Variants in DROSHA observed in about 807,000 individuals in gnomAD.
DROSHA encodes ribonuclease 3.
Under a neutral mutation model 181.9 loss-of-function variants are expected in DROSHA, and 56 were observed. The observed-to-expected ratio is 0.31, with a 90% CI of 0.25 to 0.38. The LOEUF (loss-of-function observed/expected upper bound fraction) is 0.38. DROSHA is among the 10% of genes least tolerant of loss of function. The probability of loss-of-function intolerance (pLI) is 1.00; values close to 1 mark genes in which losing one functional copy is unlikely to be tolerated. For missense variants in DROSHA, 1,218 were observed against 1,743.5 expected (o/e 0.70, Z 5.37); for synonymous variants, 524 against 591.2 (o/e 0.89, Z 1.65).
chr5:31,466,085 T>G, intron 19 of DROSHA, 97 bp downstream of exon 19: 1 of 1,221,062 alleles, frequency 8.2e-7, no homozygotes, highest in Non-Finnish European at 1.2e-6. Flanking sequence ...AAAATATTTT[T>G]CCATCTTGTA....
intron 13 of DROSHA, among the ~76,000 whole-genome samples, chr5:31,488,269 T>TAGCTGGG (rs1752014132): frequency 6.6e-6 from 1 of 151,758 alleles, no homozygotes; most frequent in Non-Finnish European, 1.5e-5. Flanking sequence ...ATACAAAAAT[T>TAGCTGGG]AGCTGGGCGT....
chr5:31,496,524 C>T (rs961935669), intron 11 of DROSHA, among the ~76,000 whole-genome samples: 8 of 152,242 alleles, frequency 5.3e-5, no homozygotes, highest in African/African-American at 1.9e-4. Flanking sequence ...GTGGCAGCTG[C>T]ATAAACCCAC....
intron 20 of DROSHA, 129 bp downstream of exon 20, chr5:31,464,107 G>T: frequency 1.3e-6 from 1 of 777,012 alleles, no homozygotes; most frequent in Non-Finnish European, 2.1e-6. Flanking sequence ...ACAATTTATA[G>T]TTGATATTCC....
chr5:31,417,466 C>A (rs576754732), intron 30 of DROSHA, among the ~76,000 whole-genome samples: 1 of 152,000 alleles, frequency 6.6e-6, no homozygotes, highest in Admixed American at 6.6e-5. Flanking sequence ...TTGACTGGGG[C>A]GCGGGGTATG....
intron 17 of DROSHA, among the ~76,000 whole-genome samples, chr5:31,471,841 T>G (rs773201328): frequency 1.3e-5 from 2 of 152,176 alleles, no homozygotes; most frequent in Admixed American, 1.3e-4. Flanking sequence ...AATGTACCTA[T>G]CTTCAGGTAG....
At chr5:31,428,765 T>C (rs1743794629) in intron 27 of DROSHA, among the ~76,000 whole-genome samples, 1 of 152,204 alleles carries the variant, frequency 6.6e-6, no homozygotes, top group Non-Finnish European at 1.5e-5. Context: ...GGCTATTTCA[T>C]TCAATTATAA....
intron 25 of DROSHA, among the ~76,000 whole-genome samples, chr5:31,433,277 C>A (rs1339416220): frequency 6.6e-6 from 1 of 152,174 alleles, no homozygotes; most frequent in Non-Finnish European, 1.5e-5. Flanking sequence ...TTGACTACCG[C>A]AAATGCAATA....
intron 13 of DROSHA, among the ~76,000 whole-genome samples, chr5:31,489,940 G>A (rs994448554): frequency 1.3e-5 from 2 of 151,734 alleles, no homozygotes; most frequent in Non-Finnish European, 2.9e-5. Flanking sequence ...GTGCGGTGAC[G>A]CGATCTTGAC....
rs1579952717 is a variant in DROSHA, at chr5:31,401,179, G to C, written c.*253C>G. ...TGCTTCTTGAATTTTATTATTTAAA[G>C]AGCAAAATAAAAGGAAGTAATGCAC... On this transcript the variant is annotated 3_prime_UTR_variant, in exon 36 of 36. Transcript: ENST00000344624. 4.8e-6 allele frequency: 2 copies of C among 414,524 alleles called. No individual in the cohort carries two copies. Among genetic ancestry groups the C allele is most frequent in the Non-Finnish European group, 9.0e-6 (2 of 222,744 alleles). The allele number at this position is 414,524 out of a possible 1,614,324, so 25.7% of individuals were successfully genotyped here. A position where few individuals can be genotyped will look rare whatever the true frequency, so the allele number is the denominator to read the frequency against.
intron 11 of DROSHA, among the ~76,000 whole-genome samples, chr5:31,501,514 T>G (rs1245214059): frequency 1.3e-5 from 2 of 151,850 alleles, no homozygotes; most frequent in Non-Finnish European, 2.9e-5. Context: ...ACTGTGGGGA[T>G]GGAAGAGGTA....
chr5:31,418,243 CAG>C (rs35207002), intron 30 of DROSHA, among the ~76,000 whole-genome samples: 140 of 147,266 alleles, frequency 9.5e-4, no homozygotes, highest in Non-Finnish European at 1.1e-3. Context: ...GTGTGTGTCA[CAG>C]AGAGAGAGAG....
intron 11 of DROSHA, among the ~76,000 whole-genome samples, chr5:31,496,677 C>T (rs1438629019): frequency 1.3e-5 from 2 of 152,242 alleles, no homozygotes; most frequent in African/African-American, 4.8e-5. Context: ...TGGCTGCCTG[C>T]TCTATGCCCA....
intron 35 of DROSHA, among the ~76,000 whole-genome samples, chr5:31,404,862 C>T (rs112203804): frequency 3.9e-4 from 60 of 152,218 alleles, no homozygotes; most frequent in African/African-American, 1.4e-3. Flanking sequence ...TGCACACCTA[C>T]AGCAGGAAAT....
intron 33 of DROSHA, among the ~76,000 whole-genome samples, chr5:31,408,237 A>G (rs1042982493): frequency 8.5e-5 from 13 of 152,240 alleles, no homozygotes; most frequent in African/African-American, 2.9e-4. Context: ...GAACACACAC[A>G]CAGATGTGTG....
intron 21 of DROSHA, among the ~76,000 whole-genome samples, chr5:31,451,134 G>A (rs1175070593): frequency 6.6e-6 from 1 of 152,078 alleles, no homozygotes; most frequent in Non-Finnish European, 1.5e-5. Flanking sequence ...CCCAGGAGGC[G>A]GAGGTTGCAG....
chr5:31,453,230 C>T (rs1018064836), intron 20 of DROSHA, among the ~76,000 whole-genome samples: 4 of 152,176 alleles, frequency 2.6e-5, no homozygotes, highest in African/African-American at 9.7e-5. Flanking sequence ...GGGTCTCACT[C>T]TGTCACCCAG....
intron 24 of DROSHA, 120 bp downstream of exon 24, chr5:31,437,109 TACAAAAGAGA>T: frequency 9.8e-7 from 1 of 1,021,890 alleles, no homozygotes; most frequent in Non-Finnish European, 1.4e-6. Context: ...TTCTAAGCTC[TACAAAAGAGA>T]TAAAATACAC....
chr5:31,467,909 G>A, intron 18 of DROSHA, 30 bp downstream of exon 18: 2 of 1,604,806 alleles, frequency 1.2e-6, no homozygotes, highest in South Asian at 1.1e-5. Context: ...AGGTGAAATT[G>A]GCTAAGACAA....
At chr5:31,500,384 G>T (rs1753455609) in intron 11 of DROSHA, among the ~76,000 whole-genome samples, 1 of 152,198 alleles carries the variant, frequency 6.6e-6, no homozygotes, top group African/African-American at 2.4e-5. Context: ...AGATTGACCT[G>T]GGGCACTCAG....
Sources: gnomAD v4.1 joint callset for allele counts (sites outside exome capture counted in the v4.1 genomes callset) on GRCh38, gnomAD v4.1.1 for gene constraint, MANE v1.5 for transcripts, NCBI Gene and HGNC (gene_info 2026-07-23, HGNC 2026-07-21) for gene names.